The following FAM91A1 variants were observed in gnomAD, a reference collection of about 807,000 sequenced individuals.
The protein encoded by FAM91A1 is family with sequence similarity 91 member A1.
In FAM91A1, 41 loss-of-function variants were observed where a neutral mutation model predicts 113.5. The observed-to-expected ratio is 0.36, with a 90% CI of 0.28 to 0.47. The LOEUF is 0.47. FAM91A1 is among the 20% of genes least tolerant of loss of function. The pLI, the probability that FAM91A1 is intolerant of heterozygous loss-of-function variation, is 1.00. For synonymous variants in FAM91A1, 307 were observed against 347.9 expected, an observed-to-expected ratio of 0.88 and a Z score of 1.31; for missense variants, 696 against 1,001.2, an observed-to-expected ratio of 0.70 and a Z score of 4.11.
At chr8:123,776,032 G>A (rs1202898044) in intron 3 of FAM91A1, among the ~76,000 whole-genome samples, 2 of 152,146 alleles carry the variant, frequency 1.3e-5, no homozygotes, top group African/African-American at 4.8e-5. Context: ...AAGAATGAAT[G>A]ATGACATAGA....
chr8:123,810,005 T>G (rs1345644079), intron 22 of FAM91A1, among the ~76,000 whole-genome samples: 1 of 152,242 alleles, frequency 6.6e-6, no homozygotes, highest in Non-Finnish European at 1.5e-5. Context: ...ATTTAACATT[T>G]ATGTTTATAG....
chr8:123,785,604 T>C, intron 10 of FAM91A1, 25 bp from the exon 11 acceptor site: 1 of 1,441,706 alleles, frequency 6.9e-7, no homozygotes, highest in African/African-American at 1.4e-5. Flanking sequence ...TAAATGGTAA[T>C]TAGTTTCCTT....
intron 15 of FAM91A1, among the ~76,000 whole-genome samples, chr8:123,792,806 G>A (rs955361087): frequency 5.9e-5 from 9 of 152,052 alleles, no homozygotes; most frequent in Non-Finnish European, 1.2e-4. Context: ...CTTTTTCCCC[G>A]TATGACTTAG....
Position 123,768,545 on chromosome 8 carries a change from A to G in FAM91A1, c.-158A>G. On this transcript the variant is annotated 5_prime_UTR_variant, in exon 1 of 24. Transcript: ENST00000334705. ...TACTCGGTTGGCCCGGGCGGCGCTG[A>G]ACTGTCGGGAGCCTAGGCCATGGGG... 1.7e-6 allele frequency: 1 copy of G among 581,388 alleles called. No homozygotes were observed. The highest frequency in any genetic ancestry group is 2.9e-6 in the Non-Finnish European group (1 of 339,962). 36.0% of individuals were successfully genotyped at this position (581,388 alleles called of 1,614,324 possible).
At chr8:123,769,742 C>T (rs918267904) in intron 1 of FAM91A1, among the ~76,000 whole-genome samples, 4 of 152,188 alleles carry the variant, frequency 2.6e-5, no homozygotes, top group African/African-American at 7.2e-5. Context: ...TGAATAAATA[C>T]GTAACATAGC....
In FAM91A1 at chr8:123,789,680, T is replaced by C. The variant is rs1258961601; in HGVS notation, c.1346T>C (p.Ile449Thr). 6.2e-7 allele frequency: 1 copy of C among 1,612,938 alleles called. No homozygotes were observed. The highest frequency in any genetic ancestry group is 8.5e-7 in the Non-Finnish European group (1 of 1,179,834). Residue 449 changes from isoleucine (I) to threonine (T), a missense_variant, in exon 15 of 24, where the codon ATA (isoleucine) becomes ACA (threonine). By Grantham distance (89) the Ile-to-Thr change is moderately conservative (BLOSUM62 -1). Transcript: ENST00000334705. ...FDHALTLRNT[I>T]LFLRHNKDLV... The stretch of plus-strand genomic sequence containing the variant: ...CATGCACTTACTCTGAGAAACACAA[T>C]ACTGTTTCTGCGTCATAACAAAGAT...
At chr8:123,775,375 G>C in intron 3 of FAM91A1, 77 bp downstream of exon 3, 2 of 1,528,842 alleles carry the variant, frequency 1.3e-6, no homozygotes, top group South Asian at 2.5e-5. Context: ...ATGTTCACCA[G>C]CTCTTCAGCT....
intron 9 of FAM91A1, chr8:123,784,782 T>G: frequency 2.3e-6 from 1 of 431,452 alleles, no homozygotes; most frequent in Non-Finnish European, 4.0e-6. Flanking sequence ...GGTTAACTTT[T>G]TATATGACTT....
chr8:123,789,817 G>C, intron 15 of FAM91A1, 72 bp downstream of exon 15: 2 of 1,530,962 alleles, frequency 1.3e-6, no homozygotes, highest in Non-Finnish European at 1.8e-6. Context: ...AACAGATCAT[G>C]CTCACTTATA....
At chr8:123,780,566 A>C (rs1563638077) in intron 8 of FAM91A1, 24 bp downstream of exon 8, 1 of 1,597,538 alleles carries the variant, frequency 6.3e-7, no homozygotes, top group Non-Finnish European at 8.6e-7. Flanking sequence ...AACATTTTTC[A>C]CTGTTTTTTG....
chr8:123,800,768 CAT>C (rs746135761), intron 18 of FAM91A1, among the ~76,000 whole-genome samples: 1 of 152,140 alleles, frequency 6.6e-6, no homozygotes, highest in African/African-American at 2.4e-5. Context: ...TGAATGGAAT[CAT>C]ATATAATATG....
At chr8:123,797,426 C>T (rs1815554951) in intron 15 of FAM91A1, among the ~76,000 whole-genome samples, 1 of 152,144 alleles carries the variant, frequency 6.6e-6, no homozygotes, top group Admixed American at 6.5e-5. Flanking sequence ...TCCTGCCTCC[C>T]CTTCCACCTC....
chr8:123,786,502 T>G lies in FAM91A1; in HGVS notation c.970T>G (p.Leu324Val), dbSNP rs751039229. The G allele has an allele frequency of 1.2e-6, 2 of 1,611,900 alleles. No homozygotes were observed. The highest frequency in any genetic ancestry group is 4.5e-5 in the East Asian group (2 of 44,852). ...TGCATTCTTCATTAATAGGAGTACC[T>G]TAGATCCACAGAAGATGCTCTTGTC... is the stretch of plus-strand genomic sequence containing the variant. ...VPSVNRLKST[L>V]DPQKMLLSWD... is the part of the protein sequence containing the mutation. The change falls in exon 12 of 24, where the codon TTA (leucine) becomes GTA (valine). Residue 324 changes from leucine (L) to valine (V), a missense_variant. Leu to Val is a conservative substitution (Grantham distance 32). Transcript: ENST00000334705.
At chr8:123,775,627 GGT>G (rs1404510972) in intron 3 of FAM91A1, among the ~76,000 whole-genome samples, 1 of 152,174 alleles carries the variant, frequency 6.6e-6, no homozygotes, top group Non-Finnish European at 1.5e-5. Context: ...ACGTGATTAA[GGT>G]TGAAAATGTG....
chr8:123,805,534 C>T (rs1377110781), intron 19 of FAM91A1, among the ~76,000 whole-genome samples, 195 bp downstream of exon 19: 6 of 152,098 alleles, frequency 3.9e-5, no homozygotes, highest in African/African-American at 1.4e-4. Context: ...TAGAATAAGA[C>T]CCGTTTAGGA....
chr8:123,786,435 T>C, intron 11 of FAM91A1, 60 bp from the exon 12 acceptor site: 2 of 1,178,108 alleles, frequency 1.7e-6, no homozygotes, highest in Non-Finnish European at 2.5e-6. Context: ...CTTCAGTAGA[T>C]ATTTTAATGT....
chr8:123,770,773 TAA>T (rs1347420631), intron 1 of FAM91A1, among the ~76,000 whole-genome samples: 3 of 152,246 alleles, frequency 2.0e-5, no homozygotes, highest in African/African-American at 7.2e-5. Context: ...AAATTAGGTC[TAA>T]ATGTGAAATT....
intron 6 of FAM91A1, among the ~76,000 whole-genome samples, chr8:123,779,537 C>G (rs1158660049): frequency 2.0e-5 from 3 of 152,162 alleles, no homozygotes; most frequent in African/African-American, 7.2e-5. Flanking sequence ...AGGGTACGTA[C>G]TAAATCCATT....
At chr8:123,791,094 A>G (rs1309630472) in intron 15 of FAM91A1, among the ~76,000 whole-genome samples, 10 of 152,240 alleles carry the variant, frequency 6.6e-5, no homozygotes, top group Non-Finnish European at 7.3e-5. Context: ...CTGTCTTGAA[A>G]TACATTGTCC....
Sources: gnomAD v4.1 joint callset for allele counts (sites outside exome capture counted in the v4.1 genomes callset) on GRCh38, gnomAD v4.1.1 for gene constraint, MANE v1.5 for transcripts, NCBI Gene and HGNC (gene_info 2026-07-23, HGNC 2026-07-21) for gene names.